Variants in OR7E24 observed in about 807,000 individuals in gnomAD.
The protein encoded by OR7E24 is olfactory receptor 7E24.
For synonymous variants in OR7E24, 130 were observed against 157.5 expected, an observed-to-expected ratio of 0.83 and a Z score of 1.31; for missense variants, 385 against 410.3, an observed-to-expected ratio of 0.94 and a Z score of 0.53.
chr19:9,234,177 C>T, the OR7E24 span, among the ~76,000 whole-genome samples: 1 of 152,198 alleles, frequency 6.6e-6, no homozygotes, highest in South Asian at 2.1e-4. Context: ...GGTGGGATTA[C>T]AGGCGTGAGC....
the OR7E24 span, among the ~76,000 whole-genome samples, chr19:9,216,803 G>T: frequency 1.3e-5 from 2 of 152,158 alleles, no homozygotes; most frequent in African/African-American, 4.8e-5. Flanking sequence ...TGTTGGCCAG[G>T]TTGGTTTTGA....
chr19:9,234,707 G>A, the OR7E24 span, among the ~76,000 whole-genome samples: 1 of 152,066 alleles, frequency 6.6e-6, no homozygotes, highest in Non-Finnish European at 1.5e-5. Context: ...TAAAACATGA[G>A]GTATCCATGA....
chr19:9,227,069 C>T, the OR7E24 span, among the ~76,000 whole-genome samples: 1 of 152,154 alleles, frequency 6.6e-6, no homozygotes, highest in Non-Finnish European at 1.5e-5. Context: ...TGAAAGGCCT[C>T]AGTGTGTGTA....
At chr19:9,214,609 T>G in the OR7E24 span, 9 of 1,613,956 alleles carry the variant, frequency 5.6e-6, no homozygotes, top group Middle Eastern at 3.3e-4. Flanking sequence ...TTGGGGACTG[T>G]GGTGGAGATG....
chr19:9,232,587 A>C, the OR7E24 span, among the ~76,000 whole-genome samples: 2 of 149,618 alleles, frequency 1.3e-5, no homozygotes, highest in East Asian at 2.0e-4. Context: ...TGTAAACGGC[A>C]CACCTGGTCC....
the OR7E24 span, chr19:9,214,371 G>C: frequency 6.2e-6 from 10 of 1,614,126 alleles, no homozygotes; most frequent in Non-Finnish European, 8.5e-6. Context: ...ATGAACCAGG[G>C]AGAACCAGAA....
At chr19:9,215,958 G>A in the OR7E24 span, among the ~76,000 whole-genome samples, 10 of 152,118 alleles carry the variant, frequency 6.6e-5, no homozygotes, top group Non-Finnish European at 1.2e-4. Flanking sequence ...CGTGGCTGGG[G>A]AAGCCTTATA....
Position 9,251,661 on chromosome 19 carries a change from G to T in OR7E24, c.618G>T (p.Arg206Ser). Residue 206 changes from arginine (R) to serine (S), a missense_variant, in exon 1 of 1, where the codon AGG becomes AGT. Transcript: ENST00000456448. ...FCDPSQLLHL[R>S]CSDTFINEMV... ...ACCCTTCTCAACTCCTCCACCTTAG[G>T]TGTTCCGACACCTTCATCAATGAAA... The T allele has an allele frequency of 6.2e-7, 1 of 1,613,716 alleles. No individual in the cohort carries two copies. The highest frequency in any genetic ancestry group is 1.1e-5 in the South Asian group (1 of 91,048).
chr19:9,252,203 GGTGA>G lies in OR7E24; in HGVS notation c.*143_*146del. 1.5e-6 allele frequency: 1 copy of G among 659,802 alleles called. No homozygotes were observed. The highest frequency in any genetic ancestry group is 2.6e-6 in the Non-Finnish European group (1 of 390,638). The allele number at this position is 659,802 out of a possible 1,614,324, so 40.9% of individuals were successfully genotyped here. A position where few individuals can be genotyped will look rare whatever the true frequency, so the allele number is the denominator to read the frequency against. On this transcript the variant is annotated 3_prime_UTR_variant, in exon 1 of 1. Transcript: ENST00000456448. ...CTTTGTTTTGTCTTTAATTGCAATGGGTGAGTATTCTGGTATCCTTTGTTCATCA... is the reference window on the plus strand; with the variant it reads ...CTTTGTTTTGTCTTTAATTGCAATGGGTATTCTGGTATCCTTTGTTCATCA...
At chr19:9,235,853 C>G in the OR7E24 span, 16 of 1,609,224 alleles carry the variant, frequency 9.9e-6, no homozygotes, top group Admixed American at 3.3e-5. Context: ...AAGTACAAAG[C>G]CTTTTCCACC....
chr19:9,225,240 C>T, the OR7E24 span, among the ~76,000 whole-genome samples: 1 of 152,054 alleles, frequency 6.6e-6, no homozygotes. Flanking sequence ...TGTGATGGCA[C>T]ATGCCTGTAA....
At chr19:9,225,445 AAAGAG>A in the OR7E24 span, among the ~76,000 whole-genome samples, 2 of 148,040 alleles carry the variant, frequency 1.4e-5, no homozygotes. Flanking sequence ...GGAAGAAAGA[AAAGAG>A]AGGGAGGGAG....
the OR7E24 span, chr19:9,235,469 G>A: frequency 6.2e-7 from 1 of 1,602,678 alleles, no homozygotes; most frequent in Non-Finnish European, 8.5e-7. Flanking sequence ...ATGTTTGCTG[G>A]AATGGATACT....
chr19:9,229,945 G>T, the OR7E24 span, among the ~76,000 whole-genome samples: 3 of 152,140 alleles, frequency 2.0e-5, no homozygotes, highest in Non-Finnish European at 2.9e-5. Context: ...AACAAGGGCT[G>T]CTGGGGTAAG....
chr19:9,213,146 GT>G, the OR7E24 span: 1 of 152,138 alleles, frequency 6.6e-6, no homozygotes, highest in Non-Finnish European at 1.5e-5. Flanking sequence ...CTAATCTATG[GT>G]TTTCATTTTA....
At chr19:9,206,682 T>C in the OR7E24 span, 6 of 152,260 alleles carry the variant, frequency 3.9e-5, no homozygotes, top group Non-Finnish European at 8.8e-5. Context: ...GGTTTCATTA[T>C]AAATCATTTC....
the OR7E24 span, among the ~76,000 whole-genome samples, chr19:9,224,169 C>T: frequency 4.6e-5 from 7 of 151,948 alleles, no homozygotes; most frequent in Non-Finnish European, 8.8e-5. Flanking sequence ...GCTTTCTACA[C>T]GTGCAGCTTT....
At chr19:9,229,749 G>A in the OR7E24 span, among the ~76,000 whole-genome samples, 2 of 152,048 alleles carry the variant, frequency 1.3e-5, no homozygotes, top group African/African-American at 4.8e-5. Context: ...AAAAACAATA[G>A]AACAATTTAT....
the OR7E24 span, among the ~76,000 whole-genome samples, chr19:9,220,166 TCA>T: frequency 6.6e-6 from 1 of 152,186 alleles, no homozygotes; most frequent in Non-Finnish European, 1.5e-5. Flanking sequence ...ACGCATTATC[TCA>T]CAGAGTCGTT....
Sources: gnomAD v4.1 joint callset for allele counts (sites outside exome capture counted in the v4.1 genomes callset) on GRCh38, gnomAD v4.1.1 for gene constraint, MANE v1.5 for transcripts, NCBI Gene and HGNC (gene_info 2026-07-23, HGNC 2026-07-21) for gene names.